FBN2: variants seen among roughly 807,000 people sequenced by gnomAD.
The protein encoded by FBN2 is fibrillin 2.
A neutral mutation model predicts 355.6 loss-of-function variants in FBN2; 105 were observed. That is an observed-to-expected ratio of 0.30 (90% CI 0.25 to 0.35). The LOEUF (loss-of-function observed/expected upper bound fraction) is 0.35. Ranked by LOEUF, FBN2 falls within the 10% of genes least tolerant of loss-of-function variation. The probability of loss-of-function intolerance (pLI) is 1.00; values close to 1 mark genes in which losing one functional copy is unlikely to be tolerated. For synonymous variants in FBN2, 1,350 were observed against 1,301.2 expected (o/e 1.04, Z -0.81); for missense variants, 3,280 against 3,758.7 (o/e 0.87, Z 3.33).
intron 41 of FBN2, among the ~76,000 whole-genome samples, chr5:128,308,588 A>G (rs1318894256): frequency 6.6e-6 from 1 of 152,158 alleles, no homozygotes; most frequent in Non-Finnish European, 1.5e-5. Flanking sequence ...CCAGGTCATA[A>G]AAGAGAGCCT....
At chr5:128,364,790 G>T (rs2126940852) in intron 17 of FBN2, 65 bp from the exon 18 acceptor site, 7 of 1,365,780 alleles carry the variant, frequency 5.1e-6, no homozygotes, top group South Asian at 4.8e-5. Context: ...ATAAATGCAG[G>T]TCTAGTAAAG....
At chr5:128,437,202 T>C (rs747006018) in intron 7 of FBN2, among the ~76,000 whole-genome samples, 2 of 151,704 alleles carry the variant, frequency 1.3e-5, no homozygotes, top group Non-Finnish European at 2.9e-5. Flanking sequence ...GTATGTTGAA[T>C]ACTATTCACA....
intron 10 of FBN2, among the ~76,000 whole-genome samples, chr5:128,392,461 T>C (rs896530132): frequency 4.6e-5 from 7 of 152,232 alleles, no homozygotes; most frequent in African/African-American, 1.7e-4. Flanking sequence ...TGCTGAATAT[T>C]CAGATATAGT....
At chr5:128,512,033 G>C (rs1179747429) in intron 5 of FBN2, among the ~76,000 whole-genome samples, 1 of 152,162 alleles carries the variant, frequency 6.6e-6, no homozygotes, top group Non-Finnish European at 1.5e-5. Context: ...AACAAGATAA[G>C]TAGGGTCTAA....
At chr5:128,282,763 T>C (rs1404056828) in intron 55 of FBN2, among the ~76,000 whole-genome samples, 1 of 152,188 alleles carries the variant, frequency 6.6e-6, no homozygotes, top group Non-Finnish European at 1.5e-5. Flanking sequence ...CTTTGACAAT[T>C]TGTGGGCTGC....
intron 5 of FBN2, among the ~76,000 whole-genome samples, chr5:128,507,058 T>C (rs992551300): frequency 6.6e-6 from 1 of 152,056 alleles, no homozygotes; most frequent in African/African-American, 2.4e-5. Flanking sequence ...CTTTTTCTGG[T>C]TTTGGTATCA....
At chr5:128,322,312 G>T (rs982367658) in intron 34 of FBN2, among the ~76,000 whole-genome samples, 2 of 152,026 alleles carry the variant, frequency 1.3e-5, no homozygotes, top group Non-Finnish European at 2.9e-5. Flanking sequence ...GTCAATTTTG[G>T]CTTTTGTTGC....
intron 11 of FBN2, among the ~76,000 whole-genome samples, chr5:128,384,394 T>C (rs1010157643): frequency 1.3e-5 from 2 of 152,088 alleles, no homozygotes; most frequent in African/African-American, 4.8e-5. Context: ...ATGAGTTTAT[T>C]GGTATACACA....
intron 4 of FBN2, among the ~76,000 whole-genome samples, chr5:128,525,040 G>GAC (rs1304485033): frequency 6.6e-6 from 1 of 152,088 alleles, no homozygotes; most frequent in African/African-American, 2.4e-5. Flanking sequence ...AAGAACAAGA[G>GAC]ACACACCCAC....
intron 5 of FBN2, among the ~76,000 whole-genome samples, chr5:128,470,290 A>C (rs1446085505): frequency 6.6e-6 from 1 of 152,212 alleles, no homozygotes; most frequent in Non-Finnish European, 1.5e-5. Flanking sequence ...TGGTGATCTT[A>C]GCAAGAGATC....
chr5:128,438,768 AC>A (rs148841737), intron 7 of FBN2, among the ~76,000 whole-genome samples: 2 of 152,134 alleles, frequency 1.3e-5, no homozygotes, highest in Admixed American at 6.5e-5. Context: ...GGGTCTTCCC[AC>A]CCCCAACCTT....
intron 7 of FBN2, among the ~76,000 whole-genome samples, chr5:128,434,753 T>G (rs906762027): frequency 2.5e-4 from 38 of 152,106 alleles, no homozygotes; most frequent in African/African-American, 8.5e-4. Flanking sequence ...CTATTATATG[T>G]TAAGCAAAAT....
At chr5:128,498,737 A>C (rs1755723218) in intron 5 of FBN2, among the ~76,000 whole-genome samples, 1 of 152,256 alleles carries the variant, frequency 6.6e-6, no homozygotes, top group Non-Finnish European at 1.5e-5. Flanking sequence ...GAGAAGTATT[A>C]TATAAGTAGT....
intron 5 of FBN2, among the ~76,000 whole-genome samples, chr5:128,483,502 G>C (rs919929237): frequency 6.6e-6 from 1 of 151,554 alleles, no homozygotes; most frequent in African/African-American, 2.4e-5. Context: ...GAGGTTGGCT[G>C]AGTTTTTTTT....
chr5:128,305,740 A>C (rs1749852322), intron 43 of FBN2, 83 bp downstream of exon 43: 1 of 1,599,566 alleles, frequency 6.3e-7, no homozygotes, highest in Non-Finnish European at 8.6e-7. Context: ...TTGTAGAAGA[A>C]ATAGTAAAAA....
chr5:128,298,873 C>T lies in FBN2; in HGVS notation c.6166+1944G>A, dbSNP rs182107323. On this transcript the variant is annotated intron_variant, in intron 48 of 64. Coordinates refer to ENST00000262464, the MANE Select transcript of FBN2 (RefSeq NM_001999.4). ...TTCTCCGTCCAGTTTTGTTCTGTTG[C>T]TGGTGAGGAACTGCGTTCCTTTGGA... Among the ~76,000 whole-genome samples, 601 of 152,326 alleles carry T rather than the reference C, an allele frequency of 3.9e-3. 9 individuals carry two copies. The highest frequency in any genetic ancestry group is 0.013 in the African/African-American group (560 of 41,570).
chr5:128,299,622 A>G (rs1749656246), intron 48 of FBN2, among the ~76,000 whole-genome samples: 1 of 152,154 alleles, frequency 6.6e-6, no homozygotes, highest in Non-Finnish European at 1.5e-5. Context: ...TGACTAGGAA[A>G]GGGAACTCCC....
chr5:128,331,461 G>A (rs1283771061), intron 32 of FBN2, among the ~76,000 whole-genome samples: 2 of 152,166 alleles, frequency 1.3e-5, no homozygotes, highest in South Asian at 4.1e-4. Flanking sequence ...CAGACAGAGG[G>A]TGATGGACAA....
In FBN2 at chr5:128,393,531, AAAAGAT is replaced by A. The variant is rs546916688; in HGVS notation, c.1232-169_1232-164del. On this transcript the variant is annotated intron_variant, in intron 9 of 64. Coordinates refer to ENST00000262464, the MANE Select transcript of FBN2 (RefSeq NM_001999.4). Reference sequence around the variant, plus strand: ...GTTTTTAATGCTGGCAGTAGCAAGAAAAAGATATAGAAGTTTTAGAAAAAATTTAAA... The same window carrying A: ...GTTTTTAATGCTGGCAGTAGCAAGAAATAGAAGTTTTAGAAAAAATTTAAA... Among the ~76,000 whole-genome samples the A allele has an allele frequency of 2.3e-3, 355 of 152,362 alleles. 2 individuals carry two copies. Among genetic ancestry groups the A allele is most frequent in the African/African-American group, 8.2e-3 (340 of 41,588 alleles).
Sources: gnomAD v4.1 joint callset for allele counts (sites outside exome capture counted in the v4.1 genomes callset) on GRCh38, gnomAD v4.1.1 for gene constraint, MANE v1.5 for transcripts, NCBI Gene and HGNC (gene_info 2026-07-23, HGNC 2026-07-21) for gene names.